BACH1: variants seen among roughly 807,000 people sequenced by gnomAD.
The protein encoded by BACH1 is transcription regulator protein BACH1.
Under a neutral mutation model 52.9 loss-of-function variants are expected in BACH1, and 35 were observed. That is an observed-to-expected ratio of 0.66 (90% CI 0.51 to 0.88). The LOEUF (loss-of-function observed/expected upper bound fraction) is 0.88. Ranked by LOEUF, BACH1 falls within the 40% of genes least tolerant of loss-of-function variation. BACH1 has a pLI of 0.00. For missense variants in BACH1, 808 were observed against 872.6 expected, an observed-to-expected ratio of 0.93 and a Z score of 0.93; for synonymous variants, 321 against 319.6, an observed-to-expected ratio of 1.00 and a Z score of -0.05.
intron 2 of BACH1, among the ~76,000 whole-genome samples, chr21:29,358,130 C>G (rs1439340955): frequency 6.6e-6 from 1 of 152,230 alleles, no homozygotes; most frequent in African/African-American, 2.4e-5. Flanking sequence ...GTCACTTCCT[C>G]TGCCCTTTTG....
intron 1 of BACH1, among the ~76,000 whole-genome samples, chr21:29,299,944 A>G (rs1295703443): frequency 6.6e-6 from 1 of 152,138 alleles, no homozygotes; most frequent in Non-Finnish European, 1.5e-5. Flanking sequence ...AACACCCTTT[A>G]CATCAGAGGG....
intron 2 of BACH1, among the ~76,000 whole-genome samples, chr21:29,323,226 C>T (rs973932363): frequency 2.0e-5 from 3 of 152,030 alleles, no homozygotes; most frequent in African/African-American, 7.3e-5. Context: ...TATGAAGGGG[C>T]GTTTGTTAAG....
intron 4 of BACH1, among the ~76,000 whole-genome samples, chr21:29,340,970 T>TAAA (rs759190796): frequency 7.8e-6 from 1 of 128,886 alleles, no homozygotes. Flanking sequence ...TACATCTATT[T>TAAA]AAAAAAAAAA....
At chr21:29,355,241 G>A (rs1027978556) in intron 2 of BACH1, among the ~76,000 whole-genome samples, 1 of 152,114 alleles carries the variant, frequency 6.6e-6, no homozygotes, top group Non-Finnish European at 1.5e-5. Flanking sequence ...TAGACACAGA[G>A]TGCTGATTGG....
chr21:29,346,427 C>T (rs1160998439), downstream of BACH1, among the ~76,000 whole-genome samples: 1 of 152,202 alleles, frequency 6.6e-6, no homozygotes, highest in African/African-American at 2.4e-5. Flanking sequence ...AAAAACTTAT[C>T]TGCCGAGTCA....
At chr21:29,340,858 T>A (rs973694509) in intron 4 of BACH1, among the ~76,000 whole-genome samples, 1 of 152,180 alleles carries the variant, frequency 6.6e-6, no homozygotes, top group Non-Finnish European at 1.5e-5. Flanking sequence ...CAGACTCATT[T>A]TATCAGAAGA....
chr21:29,321,096 G>A (rs1168789641), intron 1 of BACH1, 125 bp from the exon 2 acceptor site: 7 of 586,612 alleles, frequency 1.2e-5, no homozygotes, highest in African/African-American at 1.9e-5. Context: ...ATGCCTCTAG[G>A]TTGTTCCTCT....
chr21:29,347,663 A>G (rs773341112), downstream of BACH1, among the ~76,000 whole-genome samples: 1 of 152,184 alleles, frequency 6.6e-6, no homozygotes, highest in African/African-American at 2.4e-5. Context: ...ACTTCCCAAC[A>G]CCAGCCTTTG....
rs1411103653 is a variant in BACH1, at chr21:29,345,562, A to G, written c.*2729A>G. On this transcript the variant is annotated 3_prime_UTR_variant, in exon 5 of 5. Transcript: ENST00000286800. ...ATAATTCGTTAAATTGTCATATTCA[A>G]AACAAATGTGGATACAGTCTTGGTT... 2 of 152,494 alleles carry G rather than the reference A, an allele frequency of 1.3e-5. No individual in the cohort carries two copies. The highest frequency in any genetic ancestry group is 4.8e-5 in the African/African-American group (2 of 41,466). The allele number at this position is 152,494 out of a possible 1,614,324, so 9.4% of individuals were successfully genotyped here.
chr21:29,304,850 G>C (rs2088638511), intron 1 of BACH1, among the ~76,000 whole-genome samples: 4 of 152,316 alleles, frequency 2.6e-5, no homozygotes, highest in African/African-American at 9.6e-5. Context: ...AAGTGTGCCA[G>C]CGTCTTTCAG....
At chr21:29,323,025 TC>T (rs1176039585) in intron 2 of BACH1, among the ~76,000 whole-genome samples, 37 of 73,898 alleles carry the variant, frequency 5.0e-4, no homozygotes, top group African/African-American at 3.6e-3. Flanking sequence ...ATTCATTCTT[TC>T]TAATGTGTAA....
intron 4 of BACH1, among the ~76,000 whole-genome samples, chr21:29,336,611 A>C (rs1351114404): frequency 6.6e-6 from 1 of 151,928 alleles, no homozygotes; most frequent in Non-Finnish European, 1.5e-5. Flanking sequence ...TATTTACATT[A>C]TTTTAGTTGG....
rs148579467 is a variant in BACH1, at chr21:29,352,997, G to A, written c.472+23304G>A. Among the ~76,000 whole-genome samples, 864 of 152,232 alleles carry A rather than the reference G, an allele frequency of 5.7e-3. 8 individuals carry two copies. The highest frequency in any genetic ancestry group is 0.02 in the African/African-American group (830 of 41,522). ...CAAAGTGCTGAGATTACAGGCATGA[G>A]CCACTGTGTCCAGCCTAATTTTTGT... On this transcript the variant is annotated intron_variant, in intron 2 of 4. Coordinates refer to the BACH1 transcript ENST00000422809.
chr21:29,345,393 A>G lies in BACH1; in HGVS notation c.*2560A>G, dbSNP rs531493446. The G allele has an allele frequency of 1.3e-5, 2 of 152,278 alleles. No homozygotes were observed. Among genetic ancestry groups the G allele is most frequent in the Admixed American group, 1.3e-4 (2 of 15,292 alleles). 9.4% of individuals were successfully genotyped at this position (152,278 alleles called of 1,614,324 possible). A position where few individuals can be genotyped will look rare whatever the true frequency, so the allele number is the denominator to read the frequency against. On this transcript the variant is annotated 3_prime_UTR_variant, in exon 5 of 5. Transcript: ENST00000286800. ...ATTTTGAAATGTTTTCAGTTTGTAT[A>G]TTGCATATTCACATGATCATTGTTC...
intron 4 of BACH1, 51 bp from the exon 5 acceptor site, chr21:29,342,348 T>C: frequency 6.6e-7 from 1 of 1,523,764 alleles, no homozygotes; most frequent in South Asian, 1.2e-5. Flanking sequence ...TTGGAAATGT[T>C]GATTGAGCTA....
At chr21:29,301,799 C>T (rs2088606759) in intron 1 of BACH1, among the ~76,000 whole-genome samples, 1 of 151,846 alleles carries the variant, frequency 6.6e-6, no homozygotes, top group Non-Finnish European at 1.5e-5. Flanking sequence ...TGTTTTTTGC[C>T]AAGCTTATGT....
Position 29,321,227 on chromosome 21 carries a change from G to T in BACH1, c.-54G>T. 1 of 1,438,728 alleles carries T rather than the reference G, an allele frequency of 7.0e-7. No homozygotes were observed. The allele number at this position is 1,438,728 out of a possible 1,614,324, so 89.1% of individuals were successfully genotyped here. ...CTTGCATGTGTGTTTGCAGGTTGATGATAATTAGAAGCATGCTTTCCACTG... is the reference window on the plus strand; with the variant it reads ...CTTGCATGTGTGTTTGCAGGTTGATTATAATTAGAAGCATGCTTTCCACTG... On this transcript the variant is annotated 5_prime_UTR_variant, in exon 2 of 5. It removes an upstream start codon present in the reference 5' UTR. Coordinates refer to ENST00000286800, the MANE Select transcript of BACH1 (RefSeq NM_001186.4).
chr21:29,301,239 G>A (rs1218709110), intron 1 of BACH1, among the ~76,000 whole-genome samples: 1 of 152,128 alleles, frequency 6.6e-6, no homozygotes, highest in Non-Finnish European at 1.5e-5. Context: ...GGTTCATTTG[G>A]AAGGAATATA....
At chr21:29,328,654 T>G (rs2088944537) in intron 3 of BACH1, among the ~76,000 whole-genome samples, 1 of 152,208 alleles carries the variant, frequency 6.6e-6, no homozygotes, top group African/African-American at 2.4e-5. Context: ...TCTCTATAAC[T>G]TATTCTTTTA....
Sources: gnomAD v4.1 joint callset for allele counts (sites outside exome capture counted in the v4.1 genomes callset) on GRCh38, gnomAD v4.1.1 for gene constraint, MANE v1.5 for transcripts, NCBI Gene and HGNC (gene_info 2026-07-23, HGNC 2026-07-21) for gene names.